The following HIVEP1 variants were observed in gnomAD, a reference collection of about 807,000 sequenced individuals.
HIVEP1 encodes the protein HIVEP zinc finger 1.
In HIVEP1, 36 loss-of-function variants were observed where a neutral mutation model predicts 180.0. The ratio of observed to expected loss-of-function variants is 0.20; its 90% CI spans 0.15 to 0.26. The LOEUF (loss-of-function observed/expected upper bound fraction) is 0.26, where lower values mean the gene tolerates loss of function less well. HIVEP1 is among the 10% of genes least tolerant of loss of function. The pLI is 1.00. For missense variants in HIVEP1, 3,143 were observed against 3,268.7 expected, an observed-to-expected ratio of 0.96 and a Z score of 0.94; for synonymous variants, 1,239 against 1,239.0, an observed-to-expected ratio of 1.00 and a Z score of 0.00.
the HIVEP1 span, among the ~76,000 whole-genome samples, chr6:12,178,723 A>G: frequency 4.6e-5 from 7 of 151,988 alleles, no homozygotes; most frequent in African/African-American, 1.2e-4. Context: ...TGCAGGCTCT[A>G]TGTTCCAGCA....
At chr6:12,076,004 T>C (rs1441926535) in intron 2 of HIVEP1, among the ~76,000 whole-genome samples, 1 of 152,248 alleles carries the variant, frequency 6.6e-6, no homozygotes, top group Non-Finnish European at 1.5e-5. Flanking sequence ...TATAAGTTGA[T>C]GTATCTTTTG....
chr6:12,170,856 A>G, the HIVEP1 span, among the ~76,000 whole-genome samples: 1 of 152,308 alleles, frequency 6.6e-6, no homozygotes, highest in South Asian at 2.1e-4. Context: ...AGGACACAAA[A>G]GTAAGGAGGA....
At chr6:12,167,794 A>G (rs219954), downstream of HIVEP1, among the ~76,000 whole-genome samples, 14 of 145,170 alleles carry the variant, frequency 9.6e-5, no homozygotes, top group Middle Eastern at 5.2e-3. Context: ...TATATAATAT[A>G]TACACATGTA....
Position 12,161,332 on chromosome 6 carries a change from G to T in HIVEP1, c.6488-107G>T, listed in dbSNP as rs1021082681. On this transcript the variant is annotated intron_variant, in intron 7 of 8. Transcript: ENST00000379388. Reference sequence around the variant, plus strand: ...GAGGCTCGTTGTGGGCAGGGTCCTTGTCTTTTATAATCCTTGCAGAGTTGC... The same window carrying T: ...GAGGCTCGTTGTGGGCAGGGTCCTTTTCTTTTATAATCCTTGCAGAGTTGC... The T allele has an allele frequency of 1.9e-4, 201 of 1,081,766 alleles. No individual in the cohort carries two copies. The African/African-American group carries it at 3.0e-3, about 16-fold the overall frequency. The allele number at this position is 1,081,766 out of a possible 1,614,324, so 67.0% of individuals were successfully genotyped here.
chr6:12,015,028 T>C (rs985132301), intron 1 of HIVEP1, among the ~76,000 whole-genome samples: 3 of 152,210 alleles, frequency 2.0e-5, no homozygotes, highest in Non-Finnish European at 4.4e-5. Context: ...GGTCGTTAGC[T>C]ACAGCTCCTC....
chr6:12,090,507 T>G (rs999037336), intron 3 of HIVEP1, among the ~76,000 whole-genome samples: 2 of 152,178 alleles, frequency 1.3e-5, no homozygotes, highest in East Asian at 3.9e-4. Flanking sequence ...GCACCCCTCA[T>G]GTCTGCCTTC....
intron 7 of HIVEP1, among the ~76,000 whole-genome samples, chr6:12,146,374 C>A (rs1164872858): frequency 6.6e-6 from 1 of 152,106 alleles, no homozygotes; most frequent in Non-Finnish European, 1.5e-5. Flanking sequence ...ACCTAGGAGG[C>A]GGAGATTGCG....
chr6:12,128,218 A>G (rs1758209327), intron 4 of HIVEP1, among the ~76,000 whole-genome samples: 1 of 152,240 alleles, frequency 6.6e-6, no homozygotes, highest in East Asian at 1.9e-4. Context: ...GTGTGTGCAT[A>G]TATTCTAAAT....
In HIVEP1 at chr6:12,137,068, G is replaced by A. The variant is rs184331962; in HGVS notation, c.6487+1176G>A. On this transcript the variant is annotated intron_variant, in intron 7 of 8. Transcript: ENST00000379388. ...AAGGCATTTAATCCCTGTAACACACGAAATGAATCAGCCTGAATTTACTTA... is the reference window on the plus strand; with the variant it reads ...AAGGCATTTAATCCCTGTAACACACAAAATGAATCAGCCTGAATTTACTTA... Among the ~76,000 whole-genome samples, 40 of 152,208 alleles carry A rather than the reference G, an allele frequency of 2.6e-4. No homozygotes were observed. The East Asian group carries it at 5.6e-3, about 21-fold the overall frequency.
In HIVEP1 at chr6:12,164,757, T is replaced by G. The variant is rs1456829629; in HGVS notation, c.*296T>G. On this transcript the variant is annotated 3_prime_UTR_variant, in exon 9 of 9. Transcript: ENST00000379388. ...TGAAAACCAGGTAGTTATTTGTGTTTAGTAAGGAAAACCTGTCAAATAAAT... is the reference window on the plus strand; with the variant it reads ...TGAAAACCAGGTAGTTATTTGTGTTGAGTAAGGAAAACCTGTCAAATAAAT... The G allele has an allele frequency of 1.0e-5, 2 of 196,912 alleles. No individual in the cohort carries two copies. The highest frequency in any genetic ancestry group is 4.7e-5 in the African/African-American group (2 of 42,554). The allele number at this position is 196,912 out of a possible 1,614,324, so 12.2% of individuals were successfully genotyped here. A position where few individuals can be genotyped will look rare whatever the true frequency, so the allele number is the denominator to read the frequency against.
chr6:12,171,343 C>T, the HIVEP1 span, among the ~76,000 whole-genome samples: 4 of 152,124 alleles, frequency 2.6e-5, no homozygotes, highest in Non-Finnish European at 2.9e-5. Flanking sequence ...AGAGCCACTA[C>T]GCCCAGCCAG....
chr6:12,120,899 G>T lies in HIVEP1; in HGVS notation c.1104G>T (p.Ser368=), dbSNP rs756884974. Residue 368 remains serine, a synonymous_variant, in exon 4 of 9, where the codon TCG becomes TCT. Coordinates refer to ENST00000379388, the MANE Select transcript of HIVEP1 (RefSeq NM_002114.4). ...TAAGTCCGGCTAATTCTACACAGTCGCCCCCCATGCCAATCTATAATTCAA... is the reference window on the plus strand; with the variant it reads ...TAAGTCCGGCTAATTCTACACAGTCTCCCCCCATGCCAATCTATAATTCAA... The part of the protein sequence containing the change: ...LSISPANSTQ[S]PPMPIYNSTH... 1.9e-6 allele frequency: 3 copies of T among 1,613,830 alleles called. No homozygotes were observed. The highest frequency in any genetic ancestry group is 3.3e-5 in the Admixed American group (2 of 59,968).
At chr6:12,053,241 CTG>C (rs990964460) in intron 2 of HIVEP1, among the ~76,000 whole-genome samples, 18 of 151,316 alleles carry the variant, frequency 1.2e-4, no homozygotes, top group Non-Finnish European at 2.4e-4. Context: ...GTGTGTGTGT[CTG>C]TGTGTGTGTA....
At chr6:12,013,991 G>A (rs1464351678) in intron 1 of HIVEP1, among the ~76,000 whole-genome samples, 1 of 152,228 alleles carries the variant, frequency 6.6e-6, no homozygotes, top group Non-Finnish European at 1.5e-5. Context: ...ATACTGGGAT[G>A]TTAGACACAT....
At chr6:12,145,283 C>T (rs1759301478) in intron 7 of HIVEP1, among the ~76,000 whole-genome samples, 1 of 152,094 alleles carries the variant, frequency 6.6e-6, no homozygotes, top group Non-Finnish European at 1.5e-5. Context: ...AAACCAAACA[C>T]CGCATGTTCT....
In HIVEP1 at chr6:12,124,772, A is replaced by G. The variant is rs953885208; in HGVS notation, c.4977A>G (p.Leu1659=). The stretch of plus-strand genomic sequence containing the variant: ...CACTCACATCCCTGCCACAAATACT[A>G]GTGACCCAAGATCTGCCCAATCAGC... ...FATLTSLPQI[L]VTQDLPNQPI... is the part of the protein sequence containing the mutation. Residue 1659 remains leucine (L), a synonymous_variant, in exon 4 of 9, where the codon CTA becomes CTG. Coordinates refer to ENST00000379388, the MANE Select transcript of HIVEP1 (RefSeq NM_002114.4). 4 of 1,614,174 alleles carry G rather than the reference A, an allele frequency of 2.5e-6. No homozygotes were observed. Among genetic ancestry groups the G allele is most frequent in the Non-Finnish European group, 3.4e-6 (4 of 1,180,024 alleles).
intron 2 of HIVEP1, among the ~76,000 whole-genome samples, chr6:12,059,605 G>A (rs1346125641): frequency 6.6e-6 from 1 of 152,040 alleles, no homozygotes; most frequent in African/African-American, 2.4e-5. Flanking sequence ...CCACCTACCT[G>A]GGGTTCTCCT....
chr6:12,147,605 C>G (rs1376386231), intron 7 of HIVEP1, among the ~76,000 whole-genome samples: 1 of 152,068 alleles, frequency 6.6e-6, no homozygotes, highest in Non-Finnish European at 1.5e-5. Context: ...AAGCATGTTT[C>G]ATTAAGTGGA....
chr6:12,182,698 C>T, the HIVEP1 span, among the ~76,000 whole-genome samples: 375 of 152,286 alleles, frequency 2.5e-3, 2 homozygotes, highest in Non-Finnish European at 1.7e-3. Flanking sequence ...CTCTGATCTT[C>T]CATTCTTTCC....
Sources: gnomAD v4.1 joint callset for allele counts (sites outside exome capture counted in the v4.1 genomes callset) on GRCh38, gnomAD v4.1.1 for gene constraint, MANE v1.5 for transcripts, NCBI Gene and HGNC (gene_info 2026-07-23, HGNC 2026-07-21) for gene names.